Variants in GATAD2B observed in about 807,000 individuals in gnomAD.
GATAD2B encodes GATA zinc finger domain containing 2B.
GATAD2B carries 8 observed loss-of-function variants against 64.3 expected under a neutral mutation model. The ratio of observed to expected loss-of-function variants is 0.12; its 90% CI spans 0.07 to 0.22. The LOEUF is 0.22. GATAD2B is among the 10% of genes least tolerant of loss of function. The pLI is 1.00. For missense variants in GATAD2B, 453 were observed against 752.0 expected (o/e 0.60, Z 4.65); for synonymous variants, 281 against 271.3 (o/e 1.04, Z -0.35).
intron 1 of GATAD2B, among the ~76,000 whole-genome samples, chr1:153,918,396 T>C (rs939132839): frequency 6.6e-6 from 1 of 152,192 alleles, no homozygotes; most frequent in African/African-American, 2.4e-5. Context: ...GTTTAAATAC[T>C]CTAAAAATGC....
intron 1 of GATAD2B, among the ~76,000 whole-genome samples, chr1:153,884,212 G>A (rs186806974): frequency 2.6e-5 from 4 of 152,130 alleles, no homozygotes; most frequent in Non-Finnish European, 2.9e-5. Context: ...AGGCCGAGGC[G>A]GGCAGATCAC....
intron 1 of GATAD2B, among the ~76,000 whole-genome samples, chr1:153,894,704 T>C (rs775393198): frequency 1.4e-4 from 21 of 149,678 alleles, no homozygotes; most frequent in Non-Finnish European, 3.0e-4. Context: ...CTACTAAAAA[T>C]ACAAAAAATT....
chr1:153,842,640 A>C (rs1260595692), intron 1 of GATAD2B, among the ~76,000 whole-genome samples: 3 of 103,930 alleles, frequency 2.9e-5, no homozygotes, highest in Non-Finnish European at 6.7e-5. Flanking sequence ...TGTTTTTTAA[A>C]ATTTTATGTA....
intron 1 of GATAD2B, among the ~76,000 whole-genome samples, chr1:153,861,580 G>A (rs991148309): frequency 2.7e-5 from 4 of 149,000 alleles, no homozygotes; most frequent in African/African-American, 4.9e-5. Flanking sequence ...TTAGGAGTTC[G>A]AGACCAGCCT....
chr1:153,851,581 T>C (rs1557803524), intron 1 of GATAD2B, among the ~76,000 whole-genome samples: 1 of 152,196 alleles, frequency 6.6e-6, no homozygotes, highest in African/African-American at 2.4e-5. Flanking sequence ...ATGTCTTCTT[T>C]GGAGAATGTC....
intron 1 of GATAD2B, among the ~76,000 whole-genome samples, chr1:153,858,091 A>G (rs979262949): frequency 6.6e-6 from 1 of 152,218 alleles, no homozygotes; most frequent in African/African-American, 2.4e-5. Context: ...CAAGAATAGG[A>G]TCAAGGTCTC....
At chr1:153,844,973 G>T (rs879597107) in intron 1 of GATAD2B, among the ~76,000 whole-genome samples, 14 of 150,504 alleles carry the variant, frequency 9.3e-5, no homozygotes, top group South Asian at 2.1e-4. Context: ...CTAATGAGAA[G>T]AATAATCAAT....
chr1:153,837,793 T>G (rs2101898870), intron 1 of GATAD2B, among the ~76,000 whole-genome samples: 1 of 152,296 alleles, frequency 6.6e-6, no homozygotes, highest in South Asian at 2.1e-4. Context: ...CACTGAAAAC[T>G]TATCACATAA....
At chr1:153,865,466 C>T (rs937821925) in intron 1 of GATAD2B, among the ~76,000 whole-genome samples, 22 of 152,020 alleles carry the variant, frequency 1.4e-4, no homozygotes, top group African/African-American at 5.3e-4. Flanking sequence ...ATCTCAAAAA[C>T]AAATAATTTA....
chr1:153,912,105 T>G (rs1202165540), intron 1 of GATAD2B, among the ~76,000 whole-genome samples: 1 of 152,190 alleles, frequency 6.6e-6, no homozygotes, highest in African/African-American at 2.4e-5. Context: ...CCCAATATAT[T>G]TGACAAAGTT....
chr1:153,903,110 C>T (rs1375798357), intron 1 of GATAD2B, among the ~76,000 whole-genome samples: 2 of 151,614 alleles, frequency 1.3e-5, no homozygotes, highest in Non-Finnish European at 2.9e-5. Flanking sequence ...CCCAGCTACT[C>T]GGGAGGCTGA....
chr1:153,898,649 A>G (rs570176400), intron 1 of GATAD2B, among the ~76,000 whole-genome samples: 1 of 152,254 alleles, frequency 6.6e-6, no homozygotes, highest in African/African-American at 2.4e-5. Flanking sequence ...CAACAAAGAT[A>G]ACCTTCCTAC....
intron 1 of GATAD2B, among the ~76,000 whole-genome samples, chr1:153,836,569 A>AAAAAGAAATCAGCC (rs146947256): frequency 6.8e-6 from 1 of 147,080 alleles, no homozygotes; most frequent in Non-Finnish European, 1.5e-5. Flanking sequence ...TTAAAAAAAA[A>AAAAAGAAATCAGCC]AGGCATGGTG....
chr1:153,870,326 T>C (rs954959614), intron 1 of GATAD2B, among the ~76,000 whole-genome samples: 1 of 152,026 alleles, frequency 6.6e-6, no homozygotes, highest in Non-Finnish European at 1.5e-5. Context: ...ATTCCAGCAC[T>C]ATGGGAGGCC....
intron 1 of GATAD2B, among the ~76,000 whole-genome samples, chr1:153,920,355 A>T (rs1344972632): frequency 6.6e-6 from 1 of 152,262 alleles, no homozygotes; most frequent in African/African-American, 2.4e-5. Flanking sequence ...GCAAAACCCC[A>T]AAATGGGGGA....
intron 1 of GATAD2B, among the ~76,000 whole-genome samples, chr1:153,840,193 C>T (rs532896602): frequency 3.3e-3 from 475 of 144,736 alleles, no homozygotes; most frequent in Non-Finnish European, 5.6e-3. Flanking sequence ...CCATCACGCC[C>T]GGCTAATTTT....
At chr1:153,884,087 C>G (rs915010451) in intron 1 of GATAD2B, among the ~76,000 whole-genome samples, 1 of 151,292 alleles carries the variant, frequency 6.6e-6, no homozygotes, top group Admixed American at 6.6e-5. Flanking sequence ...ACCTGAGGCC[C>G]GGAGTTCGAC....
intron 1 of GATAD2B, among the ~76,000 whole-genome samples, chr1:153,893,161 T>C (rs1020001408): frequency 2.0e-5 from 3 of 152,184 alleles, no homozygotes; most frequent in Admixed American, 6.6e-5. Flanking sequence ...CCCATTAGCA[T>C]TGATGAGCAC....
rs571864729 is a variant in GATAD2B at position 153,808,179 on chromosome 1, A to G, written c.*1998T>C. 2.0e-5 allele frequency: 3 copies of G among 152,662 alleles called. No individual in the cohort carries two copies. The highest frequency in any genetic ancestry group is 7.2e-5 in the African/African-American group (3 of 41,538). The allele number at this position is 152,662 out of a possible 1,614,324, so 9.5% of individuals were successfully genotyped here. ...CCCGGAAAAATACTCAAAAAACCCA[A>G]TCACTACCTGTTACTAGCATCTAGC... On this transcript the variant is annotated 3_prime_UTR_variant, in exon 11 of 11. Transcript: ENST00000368655.
Sources: gnomAD v4.1 joint callset for allele counts (sites outside exome capture counted in the v4.1 genomes callset) on GRCh38, gnomAD v4.1.1 for gene constraint, MANE v1.5 for transcripts, NCBI Gene and HGNC (gene_info 2026-07-23, HGNC 2026-07-21) for gene names.